ANKRD28: variants seen among roughly 807,000 people sequenced by gnomAD.
The protein encoded by ANKRD28 is serine/threonine-protein phosphatase 6 regulatory ankyrin repeat subunit A.
ANKRD28 carries 44 observed loss-of-function variants against 126.5 expected under a neutral mutation model. The observed-to-expected ratio is 0.35, with a 90% CI of 0.27 to 0.45. The LOEUF is 0.45. ANKRD28 is among the 20% of genes least tolerant of loss of function. The probability of loss-of-function intolerance (pLI) is 1.00; values close to 1 mark genes in which losing one functional copy is unlikely to be tolerated. For synonymous variants in ANKRD28, 442 were observed against 468.5 expected (o/e 0.94, Z 0.73); for missense variants, 1,110 against 1,316.6 (o/e 0.84, Z 2.43).
At chr3:15,834,460 A>G (rs974047819) in intron 1 of ANKRD28, among the ~76,000 whole-genome samples, 2 of 152,166 alleles carry the variant, frequency 1.3e-5, no homozygotes, top group Admixed American at 6.5e-5. Context: ...ATAGTCTTGC[A>G]GTATATTTTG....
In ANKRD28 at chr3:15,677,072, A is replaced by G. The variant is rs777914019; in HGVS notation, c.2791-16T>C. The G allele has an allele frequency of 6.2e-6, 10 of 1,605,586 alleles. No homozygotes were observed. In the Admixed American group the frequency reaches 8.3e-5, roughly 13 times the overall value. ...TTTCATGACCCTATAATTGTGGCAG[A>G]TAAGTTATAAAAACTTGAGCACCAT... On this transcript the variant is annotated splice_polypyrimidine_tract_variant and intron_variant, in intron 25 of 27. Coordinates refer to ENST00000683139, the MANE Select transcript of ANKRD28 (RefSeq NM_001349278.2).
intron 8 of ANKRD28, among the ~76,000 whole-genome samples, chr3:15,717,595 G>C (rs899472090): frequency 6.6e-6 from 1 of 151,772 alleles, no homozygotes; most frequent in Non-Finnish European, 1.5e-5. Flanking sequence ...GATCTCACAG[G>C]CAACCAAAAA....
At chr3:15,685,605 G>T (rs2068017231) in intron 20 of ANKRD28, among the ~76,000 whole-genome samples, 160 bp from the exon 21 acceptor site, 2 of 152,110 alleles carry the variant, frequency 1.3e-5, no homozygotes, top group Admixed American at 6.5e-5. Flanking sequence ...ATTGGAAGTG[G>T]TTTAAAAATT....
At chr3:15,851,350 T>C (rs2061646389) in intron 1 of ANKRD28, among the ~76,000 whole-genome samples, 1 of 151,878 alleles carries the variant, frequency 6.6e-6, no homozygotes, top group Non-Finnish European at 1.5e-5. Flanking sequence ...AAGGCCAGCC[T>C]GGGCAACACG....
chr3:15,839,220 C>T lies in ANKRD28; in HGVS notation c.27+20157G>A, dbSNP rs1428244526. Among the ~76,000 whole-genome samples the T allele has an allele frequency of 1.3e-5, 2 of 151,824 alleles. No homozygotes were observed. Among genetic ancestry groups the T allele is most frequent in the African/African-American group, 2.4e-5 (1 of 41,276 alleles). ...CTTTAAATTTACTGAAAACAAATTG[C>T]ACTCAAGACATTTTATGAATTTTAT... On this transcript the variant is annotated intron_variant, in intron 1 of 27. Coordinates refer to the ANKRD28 transcript ENST00000399451. This position sits in a 1 kb window ranked among gnomAD's most constrained non-coding sequence, Gnocchi z 4.3.
chr3:15,824,279 T>C (rs948686864), intron 1 of ANKRD28, among the ~76,000 whole-genome samples: 2 of 152,204 alleles, frequency 1.3e-5, no homozygotes, highest in African/African-American at 2.4e-5. Flanking sequence ...TTCAGCCTCC[T>C]GAGTAGCTGG....
chr3:15,707,459 A>G (rs149846123), intron 14 of ANKRD28, among the ~76,000 whole-genome samples: 1 of 152,304 alleles, frequency 6.6e-6, no homozygotes, highest in African/African-American at 2.4e-5. Context: ...TGCCAGTTCA[A>G]TTACTACCTT....
At chr3:15,767,737 A>AAAAAAAAAAAAAAC (rs2058813435) in intron 2 of ANKRD28, among the ~76,000 whole-genome samples, 1 of 110,130 alleles carries the variant, frequency 9.1e-6, no homozygotes, top group African/African-American at 3.3e-5. Context: ...AAAAAAAAAA[A>AAAAAAAAAAAAAAC]AAAAGCCGCA....
intron 4 of ANKRD28, among the ~76,000 whole-genome samples, chr3:15,745,318 T>C (rs2057403892): frequency 6.6e-6 from 1 of 152,230 alleles, no homozygotes; most frequent in Admixed American, 6.5e-5. Flanking sequence ...TTTTTTCTGA[T>C]GTTATCTTCT....
chr3:15,834,410 A>T (rs185764514), intron 1 of ANKRD28, among the ~76,000 whole-genome samples: 1 of 152,086 alleles, frequency 6.6e-6, no homozygotes, highest in Admixed American at 6.6e-5. Flanking sequence ...AGTAATATAT[A>T]TATCTATTTT....
intron 1 of ANKRD28, among the ~76,000 whole-genome samples, chr3:15,836,350 A>G (rs1315740895): frequency 6.6e-6 from 1 of 152,072 alleles, no homozygotes; most frequent in Non-Finnish European, 1.5e-5. Flanking sequence ...ACTGTGATGG[A>G]ACAAACGCTA....
chr3:15,690,449 T>C (rs1046232670), intron 17 of ANKRD28, among the ~76,000 whole-genome samples: 19 of 152,212 alleles, frequency 1.2e-4, no homozygotes, highest in African/African-American at 4.6e-4. Context: ...CAAGTTCAAA[T>C]GACAGGTCAT....
chr3:15,725,412 A>G (rs1425536280), intron 6 of ANKRD28, among the ~76,000 whole-genome samples: 1 of 152,214 alleles, frequency 6.6e-6, no homozygotes, highest in Non-Finnish European at 1.5e-5. Flanking sequence ...TTTTGGTCTA[A>G]GGTTAGTTTA....
chr3:15,703,736 T>C (rs1185359947), intron 14 of ANKRD28, among the ~76,000 whole-genome samples: 1 of 152,140 alleles, frequency 6.6e-6, no homozygotes, highest in East Asian at 1.9e-4. Flanking sequence ...GAAACAAATA[T>C]CTAAAATGTG....
intron 1 of ANKRD28, among the ~76,000 whole-genome samples, chr3:15,807,706 G>A (rs996931972): frequency 2.0e-5 from 3 of 152,148 alleles, no homozygotes; most frequent in African/African-American, 7.2e-5. Flanking sequence ...TTCATAAAGG[G>A]TTGATAAAGC....
chr3:15,824,530 A>C (rs1462246610), intron 1 of ANKRD28, among the ~76,000 whole-genome samples: 1 of 152,254 alleles, frequency 6.6e-6, no homozygotes, highest in Non-Finnish European at 1.5e-5. Flanking sequence ...ATAAAGTCAC[A>C]AAATCTGTTG....
At chr3:15,713,436 C>A (rs1386366965) in intron 10 of ANKRD28, 91 bp downstream of exon 10, 5 of 949,670 alleles carry the variant, frequency 5.3e-6, no homozygotes, top group East Asian at 2.7e-5. Context: ...AGGATAAAAT[C>A]CACATTTCCA....
Position 15,816,642 on chromosome 3 carries a change from A to T in ANKRD28, c.28-21336T>A, listed in dbSNP as rs903455777. 6.6e-6 allele frequency among the ~76,000 whole-genome samples: 1 copy of T among 151,888 alleles called. No individual in the cohort carries two copies. Among genetic ancestry groups the T allele is most frequent in the African/African-American group, 2.4e-5 (1 of 41,134 alleles). ...TTTATTTTACTACACTATTTAACCC[A>T]CTAGATGCTAACTAACAAACATTTA... On this transcript the variant is annotated intron_variant, in intron 1 of 27. Transcript: ENST00000399451. This position sits in a 1 kb window ranked among gnomAD's most constrained non-coding sequence, Gnocchi z 5.0.
chr3:15,842,853 C>A (rs1203058076), intron 1 of ANKRD28, among the ~76,000 whole-genome samples: 1 of 152,118 alleles, frequency 6.6e-6, no homozygotes, highest in Non-Finnish European at 1.5e-5. Context: ...CAAAGAAATT[C>A]AACTCAAACA....
Sources: allele counts gnomAD v4.1 joint callset (sites outside exome capture counted in the v4.1 genomes callset), GRCh38; gene constraint gnomAD v4.1.1; non-coding constraint Gnocchi (gnomAD v3.1); transcripts MANE v1.5; gene names NCBI Gene and HGNC (gene_info 2026-07-23, HGNC 2026-07-21).